The following PCDHGA4 variants were observed in gnomAD, a reference collection of about 807,000 sequenced individuals.
The protein encoded by PCDHGA4 is protocadherin gamma subfamily A, 4, also known as protocadherin gamma-A4.
A neutral mutation model predicts 54.6 loss-of-function variants in PCDHGA4; 38 were observed. The ratio of observed to expected loss-of-function variants is 0.70; its 90% CI spans 0.54 to 0.91. PCDHGA4 has a LOEUF of 0.91. PCDHGA4 is among the 40% of genes least tolerant of loss of function. The probability of loss-of-function intolerance (pLI) is 0.00; values close to 1 mark genes in which losing one functional copy is unlikely to be tolerated. For synonymous variants in PCDHGA4, 511 were observed against 512.9 expected, an observed-to-expected ratio of 1.00 and a Z score of 0.05; for missense variants, 1,298 against 1,220.9, an observed-to-expected ratio of 1.06 and a Z score of -0.94.
At chr5:141,376,447 C>G (rs777597745) in intron 1 of PCDHGA4, 2 of 1,614,182 alleles carry the variant, frequency 1.2e-6, no homozygotes, top group Non-Finnish European at 1.7e-6. Flanking sequence ...ATGAGAAAAG[C>G]GAGCCTCTTC....
Position 141,423,756 on chromosome 5 carries a change from G to GA in PCDHGA4, c.2514+66135_2514+66136insA. ...GCCTGTTATGAAAACTGTTTGGGGGGGGGGTGGGGCGGCATATATTTAGTT... is the reference window on the plus strand; with the variant it reads ...GCCTGTTATGAAAACTGTTTGGGGGGAGGGGTGGGGCGGCATATATTTAGTT... On this transcript the variant is annotated intron_variant, in intron 1 of 3. Transcript: ENST00000571252. 2 of 448,622 alleles carry GA rather than the reference G, an allele frequency of 4.5e-6. 1 individual carries two copies. The highest frequency in any genetic ancestry group is 6.1e-6 in the Non-Finnish European group (2 of 329,708). 27.8% of individuals were successfully genotyped at this position (448,622 alleles called of 1,614,324 possible). A position where few individuals can be genotyped will look rare whatever the true frequency, so the allele number is the denominator to read the frequency against.
chr5:141,481,900 C>T (rs949418188), intron 1 of PCDHGA4, among the ~76,000 whole-genome samples: 13 of 126,002 alleles, frequency 1.0e-4, no homozygotes, highest in African/African-American at 3.2e-4. Flanking sequence ...GGTGAAAGAG[C>T]GAAACTCCAT....
Position 141,476,990 on chromosome 5 carries a change from C to T in PCDHGA4, c.2515-17817C>T, listed in dbSNP as rs2099402882. ...CGGCAGCCACAACCGCGCCGGCGTGCGGCAACTATTCGCCTTAGACCTTGT... is the reference window on the plus strand; with the variant it reads ...CGGCAGCCACAACCGCGCCGGCGTGTGGCAACTATTCGCCTTAGACCTTGT... On this transcript the variant is annotated intron_variant, in intron 1 of 3. Coordinates refer to ENST00000571252, the MANE Select transcript of PCDHGA4 (RefSeq NM_018917.4). The surrounding 1 kb of genome is among the most constrained non-coding windows in gnomAD (Gnocchi z 7.6). 6.2e-7 allele frequency: 1 copy of T among 1,614,220 alleles called. No individual in the cohort carries two copies. The highest frequency in any genetic ancestry group is 8.5e-7 in the Non-Finnish European group (1 of 1,180,046).
chr5:141,362,735 TA>T lies in PCDHGA4; in HGVS notation c.2514+5115del, dbSNP rs1266066195. Reference sequence around the variant, plus strand: ...TTCTCTCTGAAGTGTGAGATTTATTTACCCATGATTGCAAACCTTTATCACA... The same window carrying T: ...TTCTCTCTGAAGTGTGAGATTTATTTCCCATGATTGCAAACCTTTATCACA... On this transcript the variant is annotated intron_variant, in intron 1 of 3. Transcript: ENST00000571252. The T allele has an allele frequency of 2.0e-5, 15 of 764,982 alleles. No homozygotes were observed. In the Admixed American group the frequency reaches 4.5e-4, roughly 23 times the overall value. The allele number at this position is 764,982 out of a possible 1,614,324, so 47.4% of individuals were successfully genotyped here.
intron 1 of PCDHGA4, chr5:141,408,349 C>T: frequency 6.2e-7 from 1 of 1,613,924 alleles, no homozygotes; most frequent in Non-Finnish European, 8.5e-7. Context: ...TGGTGGGGAA[C>T]CTCGCTAAGG....
intron 1 of PCDHGA4, chr5:141,393,813 C>G (rs376904307): frequency 1.2e-6 from 2 of 1,613,814 alleles, no homozygotes; most frequent in Non-Finnish European, 8.5e-7. Flanking sequence ...GACCAAATTG[C>G]TCATTTCGGT....
intron 1 of PCDHGA4, chr5:141,418,345 T>G: frequency 6.2e-7 from 1 of 1,614,000 alleles, no homozygotes; most frequent in Non-Finnish European, 8.5e-7. Context: ...ATCCTGATAT[T>G]AGTATGAATT....
chr5:141,384,754 G>A, intron 1 of PCDHGA4: 1 of 1,614,042 alleles, frequency 6.2e-7, no homozygotes, highest in Non-Finnish European at 8.5e-7. Flanking sequence ...ACTCTTTGCG[G>A]TTGGGCTGTA....
At chr5:141,409,529 G>T (rs2095278932) in intron 1 of PCDHGA4, 1 of 1,613,962 alleles carries the variant, frequency 6.2e-7, no homozygotes, top group Non-Finnish European at 8.5e-7. Flanking sequence ...CTTGTATGTC[G>T]CTGACATCAA....
At chr5:141,362,446 A>T in intron 1 of PCDHGA4, 1 of 1,613,980 alleles carries the variant, frequency 6.2e-7, no homozygotes, top group Non-Finnish European at 8.5e-7. Flanking sequence ...TCTGAACATA[A>T]CCCCGGAATT....
intron 1 of PCDHGA4, chr5:141,383,374 G>T: frequency 6.2e-7 from 1 of 1,614,028 alleles, no homozygotes. Context: ...CGAGGCTGGG[G>T]ATCCAGATGT....
intron 1 of PCDHGA4, chr5:141,478,400 C>A (rs1295855090): frequency 6.2e-7 from 1 of 1,613,550 alleles, no homozygotes; most frequent in East Asian, 2.2e-5. Context: ...TCAGGTGTAT[C>A]TCACCACGGA....
At chr5:141,478,417 C>G in intron 1 of PCDHGA4, 1 of 1,613,652 alleles carries the variant, frequency 6.2e-7, no homozygotes, top group Non-Finnish European at 8.5e-7. Context: ...CGGACTCCCG[C>G]CGCAGCGACC....
intron 1 of PCDHGA4, chr5:141,371,363 T>C: frequency 3.7e-6 from 6 of 1,613,948 alleles, no homozygotes; most frequent in Non-Finnish European, 5.1e-6. Flanking sequence ...AAGCAAAGGA[T>C]GGTGGACATC....
intron 1 of PCDHGA4, among the ~76,000 whole-genome samples, chr5:141,447,082 T>A (rs1259827606): frequency 6.6e-6 from 1 of 152,156 alleles, no homozygotes; most frequent in Non-Finnish European, 1.5e-5. Flanking sequence ...ATTTTTGTTG[T>A]TTAATTTTCT....
chr5:141,364,152 C>A (rs1763186679), intron 1 of PCDHGA4: 2 of 570,580 alleles, frequency 3.5e-6, no homozygotes, highest in Non-Finnish European at 5.5e-6. Flanking sequence ...AAAGAAGCTG[C>A]CGCAGAGGCG....
chr5:141,384,294 C>A, intron 1 of PCDHGA4: 1 of 1,613,864 alleles, frequency 6.2e-7, no homozygotes. Context: ...CTGAGAACAA[C>A]CCCAGAGGGG....
At chr5:141,434,952 C>T (rs1362599956) in intron 1 of PCDHGA4, among the ~76,000 whole-genome samples, 2 of 151,756 alleles carry the variant, frequency 1.3e-5, no homozygotes, top group East Asian at 3.9e-4. Flanking sequence ...AATTTATTAA[C>T]AATTTATAAA....
chr5:141,383,743 C>T (rs371173445), intron 1 of PCDHGA4: 56 of 1,613,920 alleles, frequency 3.5e-5, no homozygotes, highest in Non-Finnish European at 4.7e-5. Flanking sequence ...ATATTCTTTT[C>T]GGAAAATAAC....
Sources: gnomAD v4.1 joint callset for allele counts (sites outside exome capture counted in the v4.1 genomes callset) on GRCh38, gnomAD v4.1.1 for gene constraint, Gnocchi (gnomAD v3.1) non-coding constraint, MANE v1.5 for transcripts, NCBI Gene and HGNC (gene_info 2026-07-23, HGNC 2026-07-21) for gene names.